DNHD1: variants seen among roughly 807,000 people sequenced by gnomAD.
DNHD1 encodes dynein heavy chain domain 1, also known as dynein heavy chain domain-containing protein 1.
Under a neutral mutation model 458.1 loss-of-function variants are expected in DNHD1, and 383 were observed. That is an observed-to-expected ratio of 0.84 (90% confidence interval 0.77 to 0.91). The LOEUF (loss-of-function observed/expected upper bound fraction) is 0.91. Ranked by LOEUF, DNHD1 falls within the 40% of genes least tolerant of loss-of-function variation. DNHD1 has a pLI of 0.00. For synonymous variants in DNHD1, 2,203 were observed against 2,376.9 expected, an observed-to-expected ratio of 0.93 and a Z score of 2.13; for missense variants, 5,336 against 5,866.1, an observed-to-expected ratio of 0.91 and a Z score of 2.95.
chr11:6,563,693 G>C lies in DNHD1; in HGVS notation c.9853G>C (p.Glu3285Gln). 1 of 1,544,372 alleles carries C rather than the reference G, an allele frequency of 6.5e-7. No individual in the cohort carries two copies. The change falls in exon 31 of 43, where the codon GAG (glutamate) becomes CAG (glutamine). Residue 3285 changes from glutamate to glutamine, a missense_variant and splice_region_variant. Transcript: ENST00000254579. ...ATCCCGTTAACATACATCCTTCCAGGAGCTGGTGTTCTTCCCCAAGGAGAA... is the reference window on the plus strand; with the variant it reads ...ATCCCGTTAACATACATCCTTCCAGCAGCTGGTGTTCTTCCCCAAGGAGAA... ...QLLCTEDFYQ[E>Q]LVFFPKEKIT...
At chr11:6,547,699 T>C (rs1853253657) in intron 21 of DNHD1, 33 bp downstream of exon 21, 1 of 1,501,994 alleles carries the variant, frequency 6.7e-7, no homozygotes, top group Non-Finnish European at 8.9e-7. Flanking sequence ...TTGAGAGAGA[T>C]GGGGCCTTAA....
rs1589892131 is a variant in DNHD1, at chr11:6,557,779, G to C, written c.8484G>C (p.Gly2828=). The C allele has an allele frequency of 6.4e-7, 1 of 1,551,550 alleles. No individual in the cohort carries two copies. Among genetic ancestry groups the C allele is most frequent in the Non-Finnish European group, 8.7e-7 (1 of 1,146,980 alleles). ...DLVFSQELIL[G]PNSETPNLYL... Reference sequence around the variant, plus strand: ...TCTTCAGTCAGGAGCTGATACTGGGGCCTAACTCTGAGACCCCCAACTTGT... The same window carrying C: ...TCTTCAGTCAGGAGCTGATACTGGGCCCTAACTCTGAGACCCCCAACTTGT... Residue 2828 remains glycine, a synonymous_variant, in exon 25 of 43, where the codon GGG becomes GGC. Transcript: ENST00000254579.
intron 7 of DNHD1, among the ~76,000 whole-genome samples, chr11:6,518,183 C>T (rs186032166): frequency 6.6e-6 from 1 of 152,140 alleles, no homozygotes; most frequent in African/African-American, 2.4e-5. Flanking sequence ...CTCAGCCTCC[C>T]GAGTAGCTGG....
rs1852207550 is a variant in DNHD1, at chr11:6,505,212, G to A, written c.920+2286G>A. ...CTAATAACCTGAACCTCTTCCATTT[G>A]TTCCTCTAGTTCTGGAGCTGGTTTT... On this transcript the variant is annotated intron_variant, in intron 4 of 42. Transcript: ENST00000254579. This position sits in a 1 kb window ranked among gnomAD's most constrained non-coding sequence, Gnocchi z 4.4. Among the ~76,000 whole-genome samples the A allele has an allele frequency of 1.3e-5, 2 of 151,824 alleles. No homozygotes were observed. The highest frequency in any genetic ancestry group is 6.6e-5 in the Admixed American group (1 of 15,262).
chr11:6,542,492 TTCTC>T (rs1268505429), intron 18 of DNHD1, among the ~76,000 whole-genome samples: 1 of 152,212 alleles, frequency 6.6e-6, no homozygotes, highest in Admixed American at 6.5e-5. Context: ...CAGTTTTCCC[TTCTC>T]TCTCTAAGCT....
chr11:6,538,747 C>T lies in DNHD1; in HGVS notation c.3262C>T (p.Pro1088Ser), dbSNP rs1479993956. The T allele has an allele frequency of 1.3e-6, 2 of 1,547,444 alleles. No individual in the cohort carries two copies. The highest frequency in any genetic ancestry group is 2.7e-5 in the African/African-American group (2 of 73,024). ...CCTGGGGGAGTTTCGCAGCTACCTG[C>T]CCCTGCTCACTAAGCTGGGCAGCCT... ...RILGEFRSYL[P>S]LLTKLGSLHP... Residue 1088 changes from proline to serine, a missense_variant, in exon 16 of 43, where the codon CCC (proline) becomes TCC (serine). Physicochemically the swap from Pro to Ser is moderately conservative, Grantham distance 74. Coordinates refer to ENST00000254579, the MANE Select transcript of DNHD1 (RefSeq NM_144666.3).
In DNHD1 at chr11:6,564,115, A is replaced by C; in HGVS notation, c.10275A>C (p.Thr3425=). ...ALLTPMRAWT[T]QLQKLKGRCM... is the part of the protein sequence containing the mutation. ...TCACGCCTATGCGTGCCTGGACTACACAGCTCCAGGTAACCATCCCCCTCC... is the reference window on the plus strand; with the variant it reads ...TCACGCCTATGCGTGCCTGGACTACCCAGCTCCAGGTAACCATCCCCCTCC... Residue 3425 remains threonine (T), a synonymous_variant, in exon 31 of 43, where the codon ACA becomes ACC. Transcript: ENST00000254579. The C allele has an allele frequency of 6.5e-7, 1 of 1,548,610 alleles. No individual in the cohort carries two copies. The highest frequency in any genetic ancestry group is 2.0e-5 in the Admixed American group (1 of 50,974).
rs1447830165 is a variant in DNHD1 at position 6,557,265 on chromosome 11, AC to A, written c.7972del (p.Arg2658GlyfsTer16). 1.3e-6 allele frequency: 2 copies of A among 1,551,548 alleles called. No homozygotes were observed. Among genetic ancestry groups the A allele is most frequent in the South Asian group, 1.2e-5 (1 of 84,060 alleles). On this transcript the variant is annotated frameshift_variant, in exon 25 of 43. Transcript: ENST00000254579. LOFTEE classifies it high-confidence loss of function. ...WLHEAQRTFC[D>X]RLDSPRERSY... ...CATGAGGCACAGAGAACCTTTTGCGACCGGCTGGACAGCCCCAGGGAACGCT... is the reference window on the plus strand; with the variant it reads ...CATGAGGCACAGAGAACCTTTTGCGACGGCTGGACAGCCCCAGGGAACGCT...
intron 6 of DNHD1, 106 bp downstream of exon 6, chr11:6,509,378 G>GA: frequency 1.0e-6 from 1 of 1,003,448 alleles, no homozygotes; most frequent in African/African-American, 1.6e-5. Flanking sequence ...AAAGCACTAA[G>GA]AAAAAACCTT....
intron 10 of DNHD1, chr11:6,520,595 A>G: frequency 8.3e-7 from 1 of 1,208,018 alleles, no homozygotes; most frequent in Non-Finnish European, 1.0e-6. Context: ...CTCCAGTGCC[A>G]TAATTGCATT....
chr11:6,520,546 C>T (rs1852585487), intron 10 of DNHD1: 3 of 1,310,438 alleles, frequency 2.3e-6, no homozygotes, highest in African/African-American at 1.5e-5. Context: ...GTACATTGTC[C>T]TTCCAAACCT....
In DNHD1 at chr11:6,570,296, C is replaced by A; in HGVS notation, c.13005C>A (p.Ala4335=). The change falls in exon 41 of 43, where the codon GCC becomes GCA. Residue 4335 remains alanine (A), a synonymous_variant. Transcript: ENST00000254579. ...GPLGDTEDRE[A]LISLTQACLS... ...TGGGGGACACTGAGGACAGGGAGGCCCTGATTAGCCTCACACAAGCCTGCC... is the reference window on the plus strand; with the variant it reads ...TGGGGGACACTGAGGACAGGGAGGCACTGATTAGCCTCACACAAGCCTGCC... The A allele has an allele frequency of 4.3e-6, 7 of 1,613,568 alleles. No individual in the cohort carries two copies. The highest frequency in any genetic ancestry group is 5.9e-6 in the Non-Finnish European group (7 of 1,179,758).
At chr11:6,520,319 G>A in intron 10 of DNHD1, 30 bp downstream of exon 10, 5 of 1,551,514 alleles carry the variant, frequency 3.2e-6, no homozygotes, top group Non-Finnish European at 3.5e-6. Flanking sequence ...CAGGGGGTAG[G>A]AAGGCTGAAG....
At chr11:6,516,337 A>T (rs1311799262) in intron 7 of DNHD1, among the ~76,000 whole-genome samples, 1 of 134,186 alleles carries the variant, frequency 7.5e-6, no homozygotes, top group African/African-American at 2.9e-5. Flanking sequence ...CTTGTCGCCT[A>T]GGCTGGAGTG....
chr11:6,525,591 A>C (rs1294894580), intron 10 of DNHD1, among the ~76,000 whole-genome samples: 2 of 152,226 alleles, frequency 1.3e-5, no homozygotes, highest in Non-Finnish European at 2.9e-5. Flanking sequence ...ATGTCTTTCT[A>C]GTAATTTTGT....
chr11:6,512,370 A>G lies in DNHD1; in HGVS notation c.1392+941A>G, dbSNP rs758260560. On this transcript the variant is annotated intron_variant, in intron 7 of 42. Transcript: ENST00000254579. ...CAAGTAGCTGGGACTACAGGCACCC[A>G]CCACCATGCCCGGCTAATTTTTTTT... is the stretch of plus-strand genomic sequence containing the variant. Among the ~76,000 whole-genome samples the G allele has an allele frequency of 3.2e-3, 465 of 147,380 alleles. 4 individuals are homozygous for G. Among genetic ancestry groups the G allele is most frequent in the Non-Finnish European group, 5.2e-3 (351 of 67,636 alleles).
In DNHD1 at chr11:6,545,105, C is replaced by T. The variant is rs1020281909; in HGVS notation, c.4166C>T (p.Pro1389Leu). Residue 1389 changes from proline (P) to leucine (L), a missense_variant, in exon 21 of 43, where the codon CCT becomes CTT. Transcript: ENST00000254579. The surrounding 1 kb of genome is among the most constrained non-coding windows in gnomAD (Gnocchi z 4.9). ...CAGCTATGGGTACGACGCTGCTTTC[C>T]TCATGTGCATGCTGTGAGCTTCAGG... is the stretch of plus-strand genomic sequence containing the variant. ...EAQLWVRRCF[P>L]HVHAVSFRSC... 23 of 1,552,158 alleles carry T rather than the reference C, an allele frequency of 1.5e-5. No individual in the cohort carries two copies. The African/African-American group carries it at 1.9e-4, about 13-fold the overall frequency.
chr11:6,545,610 AG>A lies in DNHD1; in HGVS notation c.4673del (p.Gly1558ValfsTer22). ...NFMRAQRASQGGQSLPSVRQT... is the reference protein window; with the variant it reads ...NFMRAQRASQXGQSLPSVRQT... Reference sequence around the variant, plus strand: ...TTATGCGGGCCCAGAGGGCTTCCCAAGGTGGGCAGTCCCTGCCTTCTGTCCG... The same window carrying A: ...TTATGCGGGCCCAGAGGGCTTCCCAAGTGGGCAGTCCCTGCCTTCTGTCCG... On this transcript the variant is annotated frameshift_variant, in exon 21 of 43. Transcript: ENST00000254579. The surrounding 1 kb of genome is among the most constrained non-coding windows in gnomAD (Gnocchi z 4.9). The A allele has an allele frequency of 6.4e-7, 1 of 1,551,914 alleles. No homozygotes were observed. Among genetic ancestry groups the A allele is most frequent in the Non-Finnish European group, 8.7e-7 (1 of 1,147,030 alleles).
rs1306043393 is a variant in DNHD1 at position 6,544,828 on chromosome 11, AC to A, written c.3892del (p.Leu1298Ter). Reference sequence around the variant, plus strand: ...CAAGGTCATGGATGACCAGTATCGAACCCTGATGCGCATCTCTGTAGCTGAC... The same window carrying A: ...CAAGGTCATGGATGACCAGTATCGAACCTGATGCGCATCTCTGTAGCTGAC... Reference protein sequence around the residue: ...RFKVMDDQYRTLMRISVADPM... With the variant: ...RFKVMDDQYRXLMRISVADPM... On this transcript the variant is annotated frameshift_variant, in exon 21 of 43. Coordinates refer to ENST00000254579, the MANE Select transcript of DNHD1 (RefSeq NM_144666.3). The A allele has an allele frequency of 4.5e-6, 7 of 1,551,516 alleles. No homozygotes were observed. Among genetic ancestry groups the A allele is most frequent in the African/African-American group, 1.4e-5 (1 of 73,014 alleles).
Sources: gnomAD v4.1 joint callset for allele counts (sites outside exome capture counted in the v4.1 genomes callset) on GRCh38, gnomAD v4.1.1 for gene constraint, Gnocchi (gnomAD v3.1) non-coding constraint, MANE v1.5 for transcripts, NCBI Gene and HGNC (gene_info 2026-07-23, HGNC 2026-07-21) for gene names.